The following G6PC3 variants were observed in gnomAD, a reference collection of about 807,000 sequenced individuals.
The protein encoded by G6PC3 is glucose-6-phosphatase catalytic subunit 3.
Under a neutral mutation model 38.6 loss-of-function variants are expected in G6PC3, and 30 were observed. The ratio of observed to expected loss-of-function variants is 0.78; its 90% CI spans 0.58 to 1.05. The LOEUF is 1.05. Ranked by LOEUF, G6PC3 falls within the 50% of genes least tolerant of loss-of-function variation. The pLI, the probability that G6PC3 is intolerant of heterozygous loss-of-function variation, is 0.00. For synonymous variants in G6PC3, 192 were observed against 178.1 expected, an observed-to-expected ratio of 1.08 and a Z score of -0.62; for missense variants, 377 against 443.1, an observed-to-expected ratio of 0.85 and a Z score of 1.34.
At position 44,075,686 on chromosome 17, in the gene G6PC3, C is replaced by T. The variant is rs752981586; in HGVS notation, c.684C>T (p.Ile228=). ...FTLGLDLSWS[I]SLAFKWCERP... ...GAACTCTTCTTCCCCACAGGTCCAT[C>T]AGCCTAGCCTTCAAGTGGTGTGAGC... The change falls in exon 6 of 6, where the codon ATC becomes ATT. Residue 228 remains isoleucine (I), a synonymous_variant. Coordinates refer to ENST00000269097, the MANE Select transcript of G6PC3 (RefSeq NM_138387.4). 8.7e-6 allele frequency: 14 copies of T among 1,611,248 alleles called. No individual in the cohort carries two copies. The highest frequency in any genetic ancestry group is 1.0e-5 in the Non-Finnish European group (12 of 1,180,026).
In G6PC3 at chr17:44,076,060, C is replaced by T. The variant is rs752665105; in HGVS notation, c.*17C>T. 3.1e-6 allele frequency: 5 copies of T among 1,611,496 alleles called. No homozygotes were observed. Among genetic ancestry groups the T allele is most frequent in the South Asian group, 2.2e-5 (2 of 91,024 alleles). On this transcript the variant is annotated 3_prime_UTR_variant, in exon 6 of 6. Transcript: ENST00000269097. ...TCTTCCTGACTTCTTGTGTGCCTCC[C>T]TTTCCTTTCCCTCCCACAAAGCCAA...
intron 1 of G6PC3, 82 bp downstream of exon 1, chr17:44,071,265 A>G: frequency 6.4e-7 from 1 of 1,550,908 alleles, no homozygotes; most frequent in Non-Finnish European, 8.7e-7. Context: ...CTCTTTCAGC[A>G]ACTGTCTCAA....
chr17:44,071,788 T>C (rs1311643751), intron 1 of G6PC3: 5 of 502,136 alleles, frequency 1.0e-5, no homozygotes, highest in Admixed American at 9.4e-5. Flanking sequence ...TGAATCAAAA[T>C]CTGCATTTTA....
In G6PC3 at chr17:44,071,164, C is replaced by T. The variant is rs755657110; in HGVS notation, c.199C>T (p.Leu67Phe). 2 of 1,613,700 alleles carry T rather than the reference C, an allele frequency of 1.2e-6. No individual in the cohort carries two copies. Among genetic ancestry groups the T allele is most frequent in the South Asian group, 2.2e-5 (2 of 90,998 alleles). ...VLWISLITEWLNLIFKWFLFG... is the reference protein window; with the variant it reads ...VLWISLITEWFNLIFKWFLFG... ...CTGGATCAGCCTCATCACCGAGTGG[C>T]TCAACCTCATCTTCAAGTGGTGAGA... Residue 67 changes from leucine to phenylalanine, a missense_variant, in exon 1 of 6, where the codon CTC becomes TTC. By Grantham distance (22) the Leu-to-Phe change is conservative. Transcript: ENST00000269097.
Position 44,076,138 on chromosome 17 carries a change from A to C in G6PC3, c.*95A>C. 1.3e-6 allele frequency: 2 copies of C among 1,506,694 alleles called. No homozygotes were observed. Among genetic ancestry groups the C allele is most frequent in the Non-Finnish European group, 1.8e-6 (2 of 1,095,792 alleles). 93.3% of individuals were successfully genotyped at this position (1,506,694 alleles called of 1,614,324 possible). A position where few individuals can be genotyped will look rare whatever the true frequency, so the allele number is the denominator to read the frequency against. On this transcript the variant is annotated 3_prime_UTR_variant, in exon 6 of 6. Transcript: ENST00000269097. ...GCAGCCCCATCCCCTTCCAGCCCCT[A>C]AGTAGGCCCTCCCCTCCCTAAATCT...
chr17:44,074,853 G>T (rs1271100254), intron 3 of G6PC3, 83 bp downstream of exon 3: 2 of 1,506,308 alleles, frequency 1.3e-6, no homozygotes, highest in East Asian at 2.3e-5. Context: ...GGCAGCCTGG[G>T]AGCTGGAGTT....
rs759465632 is a variant in G6PC3, at chr17:44,071,198, C to T, written c.218+15C>T. On this transcript the variant is annotated intron_variant, in intron 1 of 5. Transcript: ENST00000269097. ...ATCTTCAAGTGGTGAGACAGAGAAG[C>T]CCTCCGGCATCCTGGTCCCCACCCC... The T allele has an allele frequency of 3.1e-6, 5 of 1,610,010 alleles. No homozygotes were observed. The highest frequency in any genetic ancestry group is 2.5e-6 in the Non-Finnish European group (3 of 1,178,964).
rs779584053 is a variant in G6PC3 at position 44,075,442 on chromosome 17, A to T, written c.668A>T (p.Asp223Val). Residue 223 changes from aspartate to valine, a missense_variant, in exon 5 of 6, where the codon GAT becomes GTT. Physicochemically the swap from Asp to Val is radical, Grantham distance 152 (BLOSUM62 -3). Coordinates refer to ENST00000269097, the MANE Select transcript of G6PC3 (RefSeq NM_138387.4). ...TGGACCCTCTTTACACTGGGCCTGGATCTTTCTTGGTAAGTCTCGCTTTGA... is the reference window on the plus strand; with the variant it reads ...TGGACCCTCTTTACACTGGGCCTGGTTCTTTCTTGGTAAGTCTCGCTTTGA... Reference protein sequence around the residue: ...IYWTLFTLGLDLSWSISLAFK... With the variant: ...IYWTLFTLGLVLSWSISLAFK... The T allele has an allele frequency of 6.2e-7, 1 of 1,614,076 alleles. No individual in the cohort carries two copies. Among genetic ancestry groups the T allele is most frequent in the Non-Finnish European group, 8.5e-7 (1 of 1,180,010 alleles).
intron 1 of G6PC3, 113 bp downstream of exon 1, chr17:44,071,296 T>TG: frequency 2.0e-6 from 3 of 1,508,104 alleles, no homozygotes; most frequent in Non-Finnish European, 2.7e-6. Context: ...ACCCCTACTC[T>TG]GTAGTCCCTG....
chr17:44,074,313 G>C, intron 2 of G6PC3, 47 bp downstream of exon 2: 1 of 1,412,476 alleles, frequency 7.1e-7, no homozygotes, highest in Non-Finnish European at 1.0e-6. Flanking sequence ...GTTAGGGTTC[G>C]GGTGAACATT....
intron 1 of G6PC3, 134 bp from the exon 2 acceptor site, chr17:44,074,026 G>C: frequency 1.3e-6 from 1 of 773,492 alleles, no homozygotes; most frequent in African/African-American, 1.7e-5. Flanking sequence ...TACCTTGAGA[G>C]CAGTGGACAG....
At chr17:44,071,278 GC>G (rs1567967810) in intron 1 of G6PC3, 95 bp downstream of exon 1, 20 of 1,539,060 alleles carry the variant, frequency 1.3e-5, no homozygotes, top group Non-Finnish European at 1.7e-5. Context: ...TGTCTCAAGG[GC>G]CTTCCCACCC....
rs1421213798 is a variant in G6PC3, at chr17:44,075,037, T to C, written c.485T>C (p.Ile162Thr). ...TFLLAVGLSR[I>T]FILAHFPHQV... ...CTTTTGGCGGTTGGCTTGTCGCGAATCTTCATCTTAGCACATTTCCCTCAC... is the reference window on the plus strand; with the variant it reads ...CTTTTGGCGGTTGGCTTGTCGCGAACCTTCATCTTAGCACATTTCCCTCAC... The change falls in exon 4 of 6, where the codon ATC (isoleucine) becomes ACC (threonine). Residue 162 changes from isoleucine to threonine, a missense_variant. By Grantham distance (89) the Ile-to-Thr change is moderately conservative. Transcript: ENST00000269097. 2 of 1,614,134 alleles carry C rather than the reference T, an allele frequency of 1.2e-6. No homozygotes were observed. The highest frequency in any genetic ancestry group is 1.7e-6 in the Non-Finnish European group (2 of 1,180,016).
At chr17:44,075,164 G>T in intron 4 of G6PC3, 77 bp downstream of exon 4, 1 of 1,487,844 alleles carries the variant, frequency 6.7e-7, no homozygotes, top group Non-Finnish European at 9.4e-7. Context: ...TCTTCCCATC[G>T]CTCCCAGCTT....
At chr17:44,072,627 C>CT (rs57662252) in intron 1 of G6PC3, 48,762 of 127,232 alleles carry the variant, frequency 0.38, 10,495 homozygotes, top group Middle Eastern at 0.57. Context: ...ACCTGGCATT[C>CT]TTTTTTTTTT....
chr17:44,071,877 T>G (rs964510239), intron 1 of G6PC3: 19 of 388,174 alleles, frequency 4.9e-5, no homozygotes, highest in Non-Finnish European at 6.7e-5. Context: ...ACACTTTCTC[T>G]TCTTTCTCTT....
At position 44,070,916 on chromosome 17, in the gene G6PC3, C is replaced by CT; in HGVS notation, c.-49dup. On this transcript the variant is annotated 5_prime_UTR_variant, in exon 1 of 6. Transcript: ENST00000269097. ...TCGACGCTGCTTCGTTGCCTGGACTCTGGTTTCCGCCCTGGAGCAAGCCGG... is the reference window on the plus strand; with the variant it reads ...TCGACGCTGCTTCGTTGCCTGGACTCTTGGTTTCCGCCCTGGAGCAAGCCGG... 1.3e-6 allele frequency: 2 copies of CT among 1,540,590 alleles called. No individual in the cohort carries two copies. Among genetic ancestry groups the CT allele is most frequent in the Non-Finnish European group, 1.7e-6 (2 of 1,146,072 alleles).
intron 1 of G6PC3, chr17:44,072,102 C>G: frequency 4.7e-6 from 1 of 214,954 alleles, no homozygotes; most frequent in Non-Finnish European, 9.8e-6. Flanking sequence ...CATAGAGTTC[C>G]CCTCCCTTCC....
chr17:44,074,271 GA>G lies in G6PC3; in HGVS notation c.325+7del. 6.3e-7 allele frequency: 1 copy of G among 1,597,902 alleles called. No individual in the cohort carries two copies. Among genetic ancestry groups the G allele is most frequent in the Non-Finnish European group, 8.6e-7 (1 of 1,165,174 alleles). On this transcript the variant is annotated splice_donor_region_variant and intron_variant, in intron 2 of 5. Transcript: ENST00000269097. The stretch of plus-strand genomic sequence containing the variant: ...CTTCTTGTGAGACTGGTCCAGGTGG[GA>G]AGCCTCAAACATTCTCCCTTTCCCA...
Sources: gnomAD v4.1 joint callset for allele counts on GRCh38, gnomAD v4.1.1 for gene constraint, MANE v1.5 for transcripts, NCBI Gene and HGNC (gene_info 2026-07-23, HGNC 2026-07-21) for gene names.